The following FRMD4A variants were observed in gnomAD, a reference collection of about 807,000 sequenced individuals.
The protein encoded by FRMD4A is FERM domain-containing protein 4A.
A neutral mutation model predicts 129.1 loss-of-function variants in FRMD4A; 29 were observed. That is an observed-to-expected ratio of 0.22 (90% CI 0.17 to 0.31). The LOEUF is 0.31. Among genes scored for constraint, FRMD4A ranks in the 10% least tolerant of loss-of-function variants. FRMD4A has a pLI of 1.00. For missense variants in FRMD4A, 1,272 were observed against 1,375.8 expected (o/e 0.92, Z 1.19); for synonymous variants, 634 against 571.6 (o/e 1.11, Z -1.56).
At position 13,985,824 on chromosome 10, in the gene FRMD4A, G is replaced by A. The variant is rs536472958; in HGVS notation, c.46-126912C>T. ...TTACACTGCTCACTAGCGTACAGCC[G>A]CCCTCTAGAAGTCTGCCAGCCCTGG... is the stretch of plus-strand genomic sequence containing the variant. On this transcript the variant is annotated intron_variant, in intron 2 of 24. Coordinates refer to ENST00000357447, the MANE Select transcript of FRMD4A (RefSeq NM_018027.5). 1.3e-3 allele frequency among the ~76,000 whole-genome samples: 200 copies of A among 152,332 alleles called. 1 individual carries two copies. Among genetic ancestry groups the A allele is most frequent in the African/African-American group, 4.6e-3 (190 of 41,580 alleles).
intron 2 of FRMD4A, among the ~76,000 whole-genome samples, chr10:13,887,460 C>G (rs1369073160): frequency 6.6e-6 from 1 of 152,088 alleles, no homozygotes; most frequent in African/African-American, 2.4e-5. Flanking sequence ...GTGGGCGGAT[C>G]ACATGGTGAG....
intron 14 of FRMD4A, among the ~76,000 whole-genome samples, chr10:13,698,450 A>T (rs1252251067): frequency 6.6e-6 from 1 of 152,194 alleles, no homozygotes; most frequent in East Asian, 1.9e-4. Flanking sequence ...GCTGCCCATC[A>T]GAGATCAATC....
intron 3 of FRMD4A, among the ~76,000 whole-genome samples, chr10:13,828,361 C>T (rs943165432): frequency 3.9e-5 from 6 of 152,156 alleles, no homozygotes; most frequent in African/African-American, 1.4e-4. Flanking sequence ...CACTCCACGT[C>T]CACGTGTGCA....
Position 13,675,050 on chromosome 10 carries a change from G to C in FRMD4A, c.1118-6C>G. The C allele has an allele frequency of 1.2e-6, 2 of 1,611,216 alleles. No homozygotes were observed. The highest frequency in any genetic ancestry group is 1.7e-6 in the Non-Finnish European group (2 of 1,179,708). The stretch of plus-strand genomic sequence containing the variant: ...GCTATCTGATTCCTGAGAACCTGTC[G>C]ATAAACAGTGGGGTTACTTGGCCAG... On this transcript the variant is annotated splice_polypyrimidine_tract_variant and splice_region_variant and intron_variant, in intron 15 of 24. Coordinates refer to ENST00000357447, the MANE Select transcript of FRMD4A (RefSeq NM_018027.5).
At chr10:13,672,538 G>A (rs2083597722) in intron 16 of FRMD4A, among the ~76,000 whole-genome samples, 5 of 152,066 alleles carry the variant, frequency 3.3e-5, no homozygotes, top group South Asian at 2.1e-4. Flanking sequence ...TTTAAAAAAT[G>A]AGGCTACTGA....
chr10:13,902,573 C>T (rs1238122222), intron 2 of FRMD4A, among the ~76,000 whole-genome samples: 2 of 151,786 alleles, frequency 1.3e-5, no homozygotes, highest in Non-Finnish European at 2.9e-5. Context: ...GGCACAGTGG[C>T]TCACACCTGT....
intron 2 of FRMD4A, among the ~76,000 whole-genome samples, chr10:14,211,531 C>T (rs892720599): frequency 6.6e-6 from 1 of 152,204 alleles, no homozygotes; most frequent in African/African-American, 2.4e-5. Context: ...ATCATGCGTG[C>T]TATCTGTCAA....
At chr10:14,016,141 T>C (rs1357258851) in intron 2 of FRMD4A, among the ~76,000 whole-genome samples, 1 of 152,240 alleles carries the variant, frequency 6.6e-6, no homozygotes, top group East Asian at 1.9e-4. Context: ...TGTGAAAATG[T>C]CATCACAAGG....
chr10:14,005,006 ATTTCTTTCTTTC>A (rs200719267), intron 2 of FRMD4A, among the ~76,000 whole-genome samples: 10 of 150,424 alleles, frequency 6.6e-5, no homozygotes, highest in East Asian at 5.9e-4. Context: ...GGCATTTTAT[ATTTCTTTCTTTC>A]TTTCTTTCTT....
At chr10:14,282,731 A>G (rs1248316883) in intron 2 of FRMD4A, among the ~76,000 whole-genome samples, 1 of 152,196 alleles carries the variant, frequency 6.6e-6, no homozygotes, top group African/African-American at 2.4e-5. Context: ...TAATGAGAAC[A>G]CATCTACAAA....
intron 2 of FRMD4A, among the ~76,000 whole-genome samples, chr10:14,278,435 G>A (rs1157744266): frequency 6.6e-6 from 1 of 152,102 alleles, no homozygotes; most frequent in Non-Finnish European, 1.5e-5. Context: ...TTAGTATTTT[G>A]AAAACACTTA....
At chr10:14,133,508 C>T (rs1353656625) in intron 2 of FRMD4A, among the ~76,000 whole-genome samples, 1 of 152,182 alleles carries the variant, frequency 6.6e-6, no homozygotes, top group Non-Finnish European at 1.5e-5. Context: ...ACCCACTTGG[C>T]CACCATGGGG....
chr10:13,798,562 G>A (rs1013513091), intron 4 of FRMD4A, among the ~76,000 whole-genome samples: 12 of 151,590 alleles, frequency 7.9e-5, no homozygotes, highest in Non-Finnish European at 1.0e-4. Flanking sequence ...TAAAAAATAC[G>A]AAAAATTAGC....
At chr10:13,920,822 A>ATT (rs368629573) in intron 2 of FRMD4A, among the ~76,000 whole-genome samples, 2 of 151,376 alleles carry the variant, frequency 1.3e-5, no homozygotes, top group Admixed American at 6.6e-5. Context: ...TGCTTTTATT[A>ATT]TTTTTTTTTA....
intron 2 of FRMD4A, among the ~76,000 whole-genome samples, chr10:14,278,072 G>A (rs553531230): frequency 2.6e-4 from 40 of 152,166 alleles, no homozygotes; most frequent in Non-Finnish European, 4.6e-4. Context: ...CACTTTTCCC[G>A]ACATTCTGGA....
intron 2 of FRMD4A, chr10:14,008,294 GA>G: frequency 9.6e-7 from 1 of 1,037,708 alleles, no homozygotes; most frequent in Middle Eastern, 4.9e-4. Context: ...ATAACTGAAA[GA>G]GTTTTTCTTT....
chr10:14,056,749 C>G (rs769423961), intron 2 of FRMD4A, among the ~76,000 whole-genome samples: 1 of 152,200 alleles, frequency 6.6e-6, no homozygotes. Flanking sequence ...GCGGCTCTTT[C>G]ATGTGCAAAT....
chr10:13,779,043 G>A (rs1000291489), intron 6 of FRMD4A, among the ~76,000 whole-genome samples: 1 of 152,124 alleles, frequency 6.6e-6, no homozygotes, highest in Non-Finnish European at 1.5e-5. Flanking sequence ...AATTGGCTGG[G>A]TGTGGTGGCT....
At chr10:14,282,789 G>C (rs1358869352) in intron 2 of FRMD4A, among the ~76,000 whole-genome samples, 2 of 152,156 alleles carry the variant, frequency 1.3e-5, no homozygotes, top group African/African-American at 4.8e-5. Context: ...TTTAGCTGTG[G>C]TGAAAATTTA....
Sources: allele counts gnomAD v4.1 joint callset (sites outside exome capture counted in the v4.1 genomes callset), GRCh38; gene constraint gnomAD v4.1.1; transcripts MANE v1.5; gene names NCBI Gene and HGNC (gene_info 2026-07-23, HGNC 2026-07-21).